The following PYY variants were observed in gnomAD, a reference collection of about 807,000 sequenced individuals.
PYY encodes peptide YY.
Under a neutral mutation model 10.3 loss-of-function variants are expected in PYY, and 12 were observed. The ratio of observed to expected loss-of-function variants is 1.17; its 90% CI spans 0.75 to 1.89. The LOEUF is 1.89. Among genes scored for constraint, PYY ranks in the 40% most tolerant of loss-of-function variants. The probability of loss-of-function intolerance (pLI) is 0.00; values close to 1 mark genes in which losing one functional copy is unlikely to be tolerated. For synonymous variants in PYY, 66 were observed against 62.0 expected, an observed-to-expected ratio of 1.06 and a Z score of -0.30; for missense variants, 141 against 134.0, an observed-to-expected ratio of 1.05 and a Z score of -0.26.
chr17:43,980,901 ATTAT>A lies in PYY; in HGVS notation c.-462-14373_-462-14370del, dbSNP rs577933392. Among the ~76,000 whole-genome samples the A allele has an allele frequency of 3.2e-3, 493 of 152,174 alleles. 3 individuals are homozygous for A. Among genetic ancestry groups the A allele is most frequent in the African/African-American group, 0.011 (457 of 41,508 alleles). On this transcript the variant is annotated intron_variant, in intron 1 of 6. Transcript: ENST00000360085. ...TAATATTCTGTGGTGTGAACATATCATTATTTATTTATTTGTTGTAGTATTTACA... is the reference window on the plus strand; with the variant it reads ...TAATATTCTGTGGTGTGAACATATCATTATTTATTTGTTGTAGTATTTACA...
intron 1 of PYY, among the ~76,000 whole-genome samples, chr17:43,999,662 G>C (rs1361376058): frequency 2.0e-5 from 3 of 152,058 alleles, no homozygotes; most frequent in African/African-American, 7.2e-5. Flanking sequence ...CAGCTACTCG[G>C]GAGGATGAGG....
chr17:43,994,076 A>G (rs571450402), intron 1 of PYY, among the ~76,000 whole-genome samples: 39 of 151,492 alleles, frequency 2.6e-4, no homozygotes, highest in Non-Finnish European at 4.9e-4. Flanking sequence ...CTTGTCTCAG[A>G]CTCCTGGGCT....
chr17:43,998,415 G>A (rs957597079), intron 1 of PYY, among the ~76,000 whole-genome samples: 8 of 151,958 alleles, frequency 5.3e-5, no homozygotes, highest in Non-Finnish European at 7.4e-5. Context: ...AAAATTAGCC[G>A]GGCATGGCAG....
intron 2 of PYY, among the ~76,000 whole-genome samples, chr17:43,963,493 G>A (rs539530415): frequency 1.2e-4 from 15 of 122,742 alleles, no homozygotes; most frequent in African/African-American, 4.1e-4. Flanking sequence ...GGGCAGCAGA[G>A]TGAAACTCCA....
chr17:43,956,738 C>T (rs1442724767), upstream of PYY, among the ~76,000 whole-genome samples: 1 of 152,178 alleles, frequency 6.6e-6, no homozygotes, highest in Admixed American at 6.5e-5. Flanking sequence ...TGCCATTCAT[C>T]CCCAGAGGCT....
chr17:43,986,879 G>A (rs1370066941), intron 1 of PYY, among the ~76,000 whole-genome samples: 1 of 152,178 alleles, frequency 6.6e-6, no homozygotes, highest in Non-Finnish European at 1.5e-5. Context: ...TGCATGATAA[G>A]CACACTGCTA....
chr17:43,988,614 A>G (rs1374109599), intron 1 of PYY, among the ~76,000 whole-genome samples: 2 of 152,142 alleles, frequency 1.3e-5, no homozygotes, highest in Non-Finnish European at 2.9e-5. Flanking sequence ...CCCATGGACC[A>G]TGGGCACCTT....
rs151305517 is a variant in PYY, at chr17:44,001,507, TCTC to T, written c.-463+2881_-463+2883del. On this transcript the variant is annotated intron_variant, in intron 1 of 6. Transcript: ENST00000360085. ...TGCTGACCCCAGACACTCACACTCT[TCTC>T]CTCCAGAAAGCAGGGCCAGTCCCCA... is the stretch of plus-strand genomic sequence containing the variant. Among the ~76,000 whole-genome samples the T allele has an allele frequency of 0.15, 23,287 of 152,008 alleles. 2,079 individuals carry two copies. Among genetic ancestry groups the T allele is most frequent in the Non-Finnish European group, 0.2 (13,599 of 67,902 alleles).
intron 1 of PYY, among the ~76,000 whole-genome samples, chr17:43,991,050 T>C (rs1447017392): frequency 6.6e-6 from 1 of 151,860 alleles, no homozygotes; most frequent in Admixed American, 6.6e-5. Context: ...CCCAAAGTGC[T>C]GGGATTACAA....
chr17:43,971,017 C>T (rs553412378), intron 1 of PYY, among the ~76,000 whole-genome samples: 7 of 152,232 alleles, frequency 4.6e-5, no homozygotes, highest in African/African-American at 1.2e-4. Flanking sequence ...ATGAATAAAG[C>T]GGCTATAAAC....
chr17:43,998,260 T>A lies in PYY; in HGVS notation c.-463+6131A>T, dbSNP rs201395450. On this transcript the variant is annotated intron_variant, in intron 1 of 6. Transcript: ENST00000360085. ...GAACCCACAGATTTTTTTTTTTTTTTAAGAAACAGCTTTTCAGCCAGACAC... is the reference window on the plus strand; with the variant it reads ...GAACCCACAGATTTTTTTTTTTTTTAAAGAAACAGCTTTTCAGCCAGACAC... 3.1e-4 allele frequency among the ~76,000 whole-genome samples: 42 copies of A among 133,874 alleles called. No individual in the cohort carries two copies. The Admixed American group carries it at 3.2e-3, about 10-fold the overall frequency. The allele number at this position is 133,874 out of a possible 152,430, so 87.8% of individuals were successfully genotyped here. A position where few individuals can be genotyped will look rare whatever the true frequency, so the allele number is the denominator to read the frequency against.
At position 43,965,518 on chromosome 17, in the gene PYY, G is replaced by A. The variant is rs371307244; in HGVS notation, c.-218+770C>T. On this transcript the variant is annotated intron_variant, in intron 2 of 6. Coordinates refer to the PYY transcript ENST00000360085. ...AAATTGTATATATTTGGCCAGGCAT[G>A]GTGACTCACACCTGTAATCTCAGCA... Among the ~76,000 whole-genome samples the A allele has an allele frequency of 4.3e-5, 6 of 139,312 alleles. 1 individual carries two copies. The highest frequency in any genetic ancestry group is 1.1e-4 in the African/African-American group (4 of 37,144). 91.4% of individuals were successfully genotyped at this position (139,312 alleles called of 152,430 possible). A position where few individuals can be genotyped will look rare whatever the true frequency, so the allele number is the denominator to read the frequency against.
intron 1 of PYY, among the ~76,000 whole-genome samples, chr17:43,989,829 AAAAAAAAAAAAAAAATATAT>A: frequency 2.5e-5 from 1 of 40,424 alleles, no homozygotes; most frequent in Non-Finnish European, 4.5e-5. Flanking sequence ...AAAAAAAAAA[AAAAAAAAAAAAAAAATATAT>A]ATATATATAT....
At chr17:43,968,373 C>A (rs1451640571) in intron 1 of PYY, among the ~76,000 whole-genome samples, 1 of 152,042 alleles carries the variant, frequency 6.6e-6, no homozygotes, top group Non-Finnish European at 1.5e-5. Context: ...ACAATCTCTT[C>A]CAGAAAATAG....
intron 1 of PYY, among the ~76,000 whole-genome samples, chr17:43,975,397 G>C (rs999994867): frequency 1.2e-4 from 18 of 151,906 alleles, no homozygotes; most frequent in Non-Finnish European, 2.1e-4. Flanking sequence ...TCGTGTCACA[G>C]GCTTCTTTTG....
At position 43,990,142 on chromosome 17, in the gene PYY, A is replaced by G. The variant is rs528172416; in HGVS notation, c.-463+14249T>C. Among the ~76,000 whole-genome samples, 10 of 151,760 alleles carry G rather than the reference A, an allele frequency of 6.6e-5. No individual in the cohort carries two copies. The South Asian group carries it at 2.1e-3, about 32-fold the overall frequency. On this transcript the variant is annotated intron_variant, in intron 1 of 6. Transcript: ENST00000360085. ...GAGTGTACACTGGCACAACTCTTTG[A>G]AAAGCAGCTTCTCGACGGGGCGAGG...
intron 1 of PYY, among the ~76,000 whole-genome samples, chr17:44,003,964 T>C (rs928379355): frequency 2.6e-5 from 4 of 152,170 alleles, no homozygotes; most frequent in African/African-American, 9.7e-5. Flanking sequence ...TACTGCAGCC[T>C]GGGCAACAAC....
chr17:43,974,686 G>C (rs944908980), intron 1 of PYY, among the ~76,000 whole-genome samples: 7 of 152,088 alleles, frequency 4.6e-5, no homozygotes, highest in Non-Finnish European at 5.9e-5. Flanking sequence ...GGCAGGATGC[G>C]CCCTCAGTGT....
intron 2 of PYY, among the ~76,000 whole-genome samples, chr17:43,964,602 T>C (rs1056740195): frequency 6.6e-5 from 10 of 152,054 alleles, no homozygotes; most frequent in African/African-American, 2.4e-4. Flanking sequence ...AATACAAAAT[T>C]AGCCAGGCAT....
Sources: gnomAD v4.1 joint callset for allele counts (sites outside exome capture counted in the v4.1 genomes callset) on GRCh38, gnomAD v4.1.1 for gene constraint, MANE v1.5 for transcripts, NCBI Gene and HGNC (gene_info 2026-07-23, HGNC 2026-07-21) for gene names.